The following DLGAP1 variants were observed in gnomAD, a reference collection of about 807,000 sequenced individuals.
DLGAP1 encodes DLG associated protein 1.
A neutral mutation model predicts 90.8 loss-of-function variants in DLGAP1; 11 were observed. The observed-to-expected ratio is 0.12, with a 90% CI of 0.08 to 0.20. The LOEUF is 0.20. Ranked by LOEUF, DLGAP1 falls within the 10% of genes least tolerant of loss-of-function variation. The probability of loss-of-function intolerance (pLI) is 1.00; values close to 1 mark genes in which losing one functional copy is unlikely to be tolerated. For missense variants in DLGAP1, 1,050 were observed against 1,333.8 expected, an observed-to-expected ratio of 0.79 and a Z score of 3.31; for synonymous variants, 558 against 540.7, an observed-to-expected ratio of 1.03 and a Z score of -0.44.
At chr18:4,033,180 TA>T (rs1368250074) in intron 2 of DLGAP1, among the ~76,000 whole-genome samples, 1 of 152,162 alleles carries the variant, frequency 6.6e-6, no homozygotes, top group Non-Finnish European at 1.5e-5. Flanking sequence ...TTTCATTCAT[TA>T]TTTTTAATTT....
rs983568965 is a variant in DLGAP1, at chr18:3,498,944, C to A, written c.*241G>T. Reference sequence around the variant, plus strand: ...GGTTGGATCTCAGTATGAGGCAGGGCGACGGCATCAGGACAGGGGGCGAAG... The same window carrying A: ...GGTTGGATCTCAGTATGAGGCAGGGAGACGGCATCAGGACAGGGGGCGAAG... On this transcript the variant is annotated 3_prime_UTR_variant, in exon 13 of 13. Coordinates refer to ENST00000315677, the MANE Select transcript of DLGAP1 (RefSeq NM_004746.4). 7.5e-6 allele frequency: 4 copies of A among 532,598 alleles called. No homozygotes were observed. The highest frequency in any genetic ancestry group is 1.3e-5 in the Non-Finnish European group (4 of 304,878). The allele number at this position is 532,598 out of a possible 1,614,324, so 33.0% of individuals were successfully genotyped here.
chr18:3,561,469 G>T (rs1284410969), intron 9 of DLGAP1, among the ~76,000 whole-genome samples: 6 of 141,534 alleles, frequency 4.2e-5, no homozygotes, highest in Non-Finnish European at 7.6e-5. Flanking sequence ...ACAGAAAAAT[G>T]AAAGTTTTTA....
At chr18:3,783,071 T>C (rs908396186) in intron 5 of DLGAP1, among the ~76,000 whole-genome samples, 3 of 152,204 alleles carry the variant, frequency 2.0e-5, no homozygotes, top group Non-Finnish European at 4.4e-5. Flanking sequence ...GGTTAGTCAT[T>C]TGAGCAATGC....
intron 1 of DLGAP1, among the ~76,000 whole-genome samples, chr18:4,317,364 C>T (rs1290829613): frequency 2.0e-5 from 3 of 152,148 alleles, no homozygotes; most frequent in African/African-American, 4.8e-5. Context: ...GTTTGCTACG[C>T]TAGTACCACC....
At chr18:4,385,683 T>C (rs1203188733) in intron 1 of DLGAP1, among the ~76,000 whole-genome samples, 3 of 152,288 alleles carry the variant, frequency 2.0e-5, no homozygotes, top group African/African-American at 7.2e-5. Context: ...GATTCAGGGC[T>C]GTCACCATCC....
intron 5 of DLGAP1, among the ~76,000 whole-genome samples, chr18:3,776,722 A>T (rs1393244485): frequency 6.6e-6 from 1 of 152,236 alleles, no homozygotes; most frequent in African/African-American, 2.4e-5. Context: ...CTCAGTTGCT[A>T]TTTAAAAAAC....
chr18:3,623,160 C>T (rs920486304), intron 7 of DLGAP1, among the ~76,000 whole-genome samples: 2 of 152,120 alleles, frequency 1.3e-5, no homozygotes, highest in African/African-American at 4.8e-5. Flanking sequence ...TGCTGCCTCT[C>T]TGTGTCCCCA....
chr18:4,067,860 T>C (rs1347433992), intron 2 of DLGAP1, among the ~76,000 whole-genome samples: 1 of 152,108 alleles, frequency 6.6e-6, no homozygotes, highest in Non-Finnish European at 1.5e-5. Context: ...CTTACATGTA[T>C]TGACTTATGT....
At chr18:3,684,060 G>C (rs2060615205) in intron 7 of DLGAP1, among the ~76,000 whole-genome samples, 1 of 152,086 alleles carries the variant, frequency 6.6e-6, no homozygotes, top group South Asian at 2.1e-4. Context: ...GGTGATGTTT[G>C]ATCCAGCTAG....
At chr18:3,635,430 C>T (rs545740429) in intron 7 of DLGAP1, among the ~76,000 whole-genome samples, 9 of 151,426 alleles carry the variant, frequency 5.9e-5, no homozygotes, top group East Asian at 2.0e-4. Flanking sequence ...TGAGCCACCG[C>T]GCCCGGCCTG....
At chr18:4,269,823 A>G (rs2079233725) in intron 1 of DLGAP1, among the ~76,000 whole-genome samples, 1 of 152,194 alleles carries the variant, frequency 6.6e-6, no homozygotes, top group South Asian at 2.1e-4. Context: ...AGAAAATGCT[A>G]GGGCTGACTA....
chr18:4,224,887 TG>T (rs1163061537), intron 1 of DLGAP1, among the ~76,000 whole-genome samples: 1 of 152,128 alleles, frequency 6.6e-6, no homozygotes, highest in Non-Finnish European at 1.5e-5. Context: ...AGTAGGCTTT[TG>T]GGGGACCCAG....
rs111965129 is a variant in DLGAP1 at position 3,882,526 on chromosome 18, CA to C, written c.-72-2387del. Among the ~76,000 whole-genome samples the C allele has an allele frequency of 4.8e-3, 542 of 113,618 alleles. 2 individuals are homozygous for C. Among genetic ancestry groups the C allele is most frequent in the African/African-American group, 0.011 (314 of 28,858 alleles). The allele number at this position is 113,618 out of a possible 152,430, so 74.5% of individuals were successfully genotyped here. On this transcript the variant is annotated intron_variant, in intron 3 of 12. Coordinates refer to ENST00000315677, the MANE Select transcript of DLGAP1 (RefSeq NM_004746.4). The stretch of plus-strand genomic sequence containing the variant: ...TGGGTGACAGAATGAGACCCTGTCT[CA>C]AAAAAAAAAAAAAAAAGTTAATAGC...
At chr18:3,551,681 C>T (rs1328273603) in intron 9 of DLGAP1, among the ~76,000 whole-genome samples, 2 of 5,370 alleles carry the variant, frequency 3.7e-4, no homozygotes, top group African/African-American at 6.4e-4. Flanking sequence ...TCTTTTCCCT[C>T]CCCTCCCTCC....
At chr18:3,649,284 G>A (rs914661016) in intron 7 of DLGAP1, among the ~76,000 whole-genome samples, 1 of 152,146 alleles carries the variant, frequency 6.6e-6, no homozygotes, top group Non-Finnish European at 1.5e-5. Context: ...CATCTGAATC[G>A]AACACTCCAA....
Position 4,126,593 on chromosome 18 carries a change from C to T in DLGAP1, c.-159+24587G>A, listed in dbSNP as rs182250113. Among the ~76,000 whole-genome samples, 6 of 151,978 alleles carry T rather than the reference C, an allele frequency of 3.9e-5. No individual in the cohort carries two copies. In the East Asian group the frequency reaches 1.2e-3, roughly 29 times the overall value. Reference sequence around the variant, plus strand: ...TTTATATGCAGGTAGATATATTAGCCCTGCATTTATAGTTCTAAAGAAATG... The same window carrying T: ...TTTATATGCAGGTAGATATATTAGCTCTGCATTTATAGTTCTAAAGAAATG... On this transcript the variant is annotated intron_variant, in intron 2 of 12. Transcript: ENST00000315677.
chr18:3,983,246 A>G (rs2073774441), intron 3 of DLGAP1: 1 of 151,954 alleles, frequency 6.6e-6, no homozygotes, highest in Admixed American at 6.5e-5. Context: ...CCTTGAATTA[A>G]TAATGATAAT....
intron 4 of DLGAP1, among the ~76,000 whole-genome samples, chr18:3,868,466 A>G (rs1281821817): frequency 6.6e-6 from 1 of 152,182 alleles, no homozygotes; most frequent in African/African-American, 2.4e-5. Context: ...ATGGACGTCC[A>G]CAGAGGAGCT....
intron 1 of DLGAP1, among the ~76,000 whole-genome samples, chr18:4,370,529 A>G (rs2081892902): frequency 6.6e-6 from 1 of 152,168 alleles, no homozygotes; most frequent in South Asian, 2.1e-4. Flanking sequence ...CTGTTTATCT[A>G]CATTATCTAC....
Sources: gnomAD v4.1 joint callset for allele counts (sites outside exome capture counted in the v4.1 genomes callset) on GRCh38, gnomAD v4.1.1 for gene constraint, MANE v1.5 for transcripts, NCBI Gene and HGNC (gene_info 2026-07-23, HGNC 2026-07-21) for gene names.